RABGAP1L: variants seen among roughly 807,000 people sequenced by gnomAD.
The protein encoded by RABGAP1L is RAB GTPase activating protein 1 like.
Under a neutral mutation model 137.7 loss-of-function variants are expected in RABGAP1L, and 63 were observed. The ratio of observed to expected loss-of-function variants is 0.46; its 90% confidence interval spans 0.37 to 0.56. RABGAP1L has a LOEUF of 0.56. Ranked by LOEUF, RABGAP1L falls within the 20% of genes least tolerant of loss-of-function variation. RABGAP1L has a pLI of 0.00. For missense variants in RABGAP1L, 1,095 were observed against 1,244.0 expected, an observed-to-expected ratio of 0.88 and a Z score of 1.80; for synonymous variants, 431 against 433.7, an observed-to-expected ratio of 0.99 and a Z score of 0.08.
intron 11 of RABGAP1L, among the ~76,000 whole-genome samples, chr1:174,355,072 A>T (rs1217786841): frequency 6.6e-6 from 1 of 152,058 alleles, no homozygotes; most frequent in Non-Finnish European, 1.5e-5. Context: ...TCAGGGATCT[A>T]GAACTAGAAA....
chr1:174,238,941 C>T (rs994633653), intron 4 of RABGAP1L: 1 of 161,524 alleles, frequency 6.2e-6, no homozygotes, highest in Non-Finnish European at 1.3e-5. Context: ...GTAGGACCCT[C>T]CAAGCCAGGT....
At chr1:174,240,005 G>T (rs189087932) in intron 4 of RABGAP1L, among the ~76,000 whole-genome samples, 1 of 152,112 alleles carries the variant, frequency 6.6e-6, no homozygotes, top group African/African-American at 2.4e-5. Flanking sequence ...ATATGTTATC[G>T]TCTAAAAATG....
chr1:174,275,596 C>T (rs114965775), intron 8 of RABGAP1L, among the ~76,000 whole-genome samples: 326 of 152,138 alleles, frequency 2.1e-3, no homozygotes, highest in Non-Finnish European at 3.2e-3. Context: ...GTATATGCCT[C>T]CTTTTATCCA....
rs542468567 is a variant in RABGAP1L at position 174,332,016 on chromosome 1, A to T, written c.1465+26889A>T. On this transcript the variant is annotated intron_variant, in intron 11 of 25. Transcript: ENST00000681986. ...GGAGTGCAGTGGTGCCAAAAACTCAAATTTCATGGATTGACTTTGTTCTTA... is the reference window on the plus strand; with the variant it reads ...GGAGTGCAGTGGTGCCAAAAACTCATATTTCATGGATTGACTTTGTTCTTA... Among the ~76,000 whole-genome samples, 6 of 152,074 alleles carry T rather than the reference A, an allele frequency of 3.9e-5. 1 individual carries two copies. In the South Asian group the frequency reaches 1.2e-3, roughly 32 times the overall value.
chr1:174,953,711 C>T (rs1326656215), intron 19 of RABGAP1L, among the ~76,000 whole-genome samples: 4 of 152,162 alleles, frequency 2.6e-5, no homozygotes, highest in Non-Finnish European at 4.4e-5. Flanking sequence ...TCTGTGAAAT[C>T]ACTGTGGAAT....
At chr1:174,409,148 G>T (rs1649613981) in intron 13 of RABGAP1L, among the ~76,000 whole-genome samples, 1 of 152,096 alleles carries the variant, frequency 6.6e-6, no homozygotes, top group Non-Finnish European at 1.5e-5. Context: ...GGAAGTCAGG[G>T]ACCCCGAACG....
chr1:174,437,075 C>G (rs1464858020), intron 13 of RABGAP1L, among the ~76,000 whole-genome samples: 1 of 152,152 alleles, frequency 6.6e-6, no homozygotes, highest in Non-Finnish European at 1.5e-5. Flanking sequence ...CTGTACGTCA[C>G]CATCATCAAA....
chr1:174,649,970 G>T lies in RABGAP1L; in HGVS notation c.1824+12482G>T, dbSNP rs1390398260. Among the ~76,000 whole-genome samples, 36 of 152,128 alleles carry T rather than the reference G, an allele frequency of 2.4e-4. 1 individual carries two copies. The East Asian group carries it at 5.0e-3, about 21-fold the overall frequency. ...ATTCAGTATGATATTGGCTGTGGGTGTGTCATAGATAGCTCTTATCATTTT... is the reference window on the plus strand; with the variant it reads ...ATTCAGTATGATATTGGCTGTGGGTTTGTCATAGATAGCTCTTATCATTTT... On this transcript the variant is annotated intron_variant, in intron 14 of 25. Coordinates refer to ENST00000681986, the MANE Select transcript of RABGAP1L (RefSeq NM_001366446.1).
intron 5 of RABGAP1L, among the ~76,000 whole-genome samples, chr1:174,249,631 C>CTTCT (rs372511581): frequency 3.4e-3 from 492 of 143,662 alleles, no homozygotes; most frequent in Non-Finnish European, 6.0e-3. Context: ...AAAGGAATTC[C>CTTCT]TTCTTTCTTT....
At chr1:174,226,015 T>C (rs769739943) in intron 3 of RABGAP1L, among the ~76,000 whole-genome samples, 4 of 152,100 alleles carry the variant, frequency 2.6e-5, no homozygotes, top group Non-Finnish European at 4.4e-5. Flanking sequence ...GGGCTAGTGG[T>C]AGAACTGGGA....
chr1:174,711,124 C>T (rs1051267324), intron 17 of RABGAP1L, among the ~76,000 whole-genome samples: 4 of 151,782 alleles, frequency 2.6e-5, no homozygotes, highest in Admixed American at 1.3e-4. Flanking sequence ...GCCAGCTGGC[C>T]GCTGTGAGTG....
At chr1:174,628,105 G>A (rs539815576) in intron 13 of RABGAP1L, among the ~76,000 whole-genome samples, 2 of 152,104 alleles carry the variant, frequency 1.3e-5, no homozygotes, top group East Asian at 3.9e-4. Flanking sequence ...TATTGTGTGG[G>A]TTACATGCAA....
At chr1:174,807,378 CT>C (rs1689414165) in intron 18 of RABGAP1L, among the ~76,000 whole-genome samples, 1 of 152,080 alleles carries the variant, frequency 6.6e-6, no homozygotes, top group Non-Finnish European at 1.5e-5. Flanking sequence ...AGCCAAACAA[CT>C]TTTGATAAAT....
At position 174,982,863 on chromosome 1, in the gene RABGAP1L, G is replaced by A. The variant is rs575475266; in HGVS notation, c.2763G>A (p.Glu921=). ...GTTCGCAGTTGAGTACCAGGCTGGA[G>A]AAACAGCAAGCAGCCAGCAAGGAGG... ...QICSQLSTRL[E]KQQAASKEEL... Residue 921 remains glutamate, a synonymous_variant, in exon 24 of 26, where the codon GAG becomes GAA. Transcript: ENST00000681986. 8.4e-6 allele frequency: 13 copies of A among 1,550,512 alleles called. No homozygotes were observed. The highest frequency in any genetic ancestry group is 1.4e-5 in the African/African-American group (1 of 73,164).
rs1684807536 is a variant in RABGAP1L, at chr1:174,756,841, C to G, written c.2211+4487C>G. On this transcript the variant is annotated intron_variant, in intron 18 of 25. Transcript: ENST00000681986. ...TGAGGGCTGGGGATTGAGGGCTTCC[C>G]AGAAAGCATCACAAGAAGGTGTCAC... 3 of 585,182 alleles carry G rather than the reference C, an allele frequency of 5.1e-6. No homozygotes were observed. The Admixed American group carries it at 5.8e-5, about 11-fold the overall frequency. The allele number at this position is 585,182 out of a possible 1,614,324, so 36.2% of individuals were successfully genotyped here.
chr1:174,311,247 GGA>G (rs964534437), intron 11 of RABGAP1L, among the ~76,000 whole-genome samples: 9 of 152,160 alleles, frequency 5.9e-5, no homozygotes. Flanking sequence ...CAAGGCGGCA[GGA>G]GAGAGAGTGA....
intron 13 of RABGAP1L, among the ~76,000 whole-genome samples, chr1:174,401,935 G>A (rs947730595): frequency 6.6e-6 from 1 of 152,122 alleles, no homozygotes; most frequent in Admixed American, 6.6e-5. Context: ...GAAAGGTCCT[G>A]CCATGGTCAG....
At chr1:174,456,782 C>T (rs1034372083) in intron 13 of RABGAP1L, among the ~76,000 whole-genome samples, 1 of 152,004 alleles carries the variant, frequency 6.6e-6, no homozygotes, top group African/African-American at 2.4e-5. Context: ...AAAATGAGTT[C>T]CACTGAGTTA....
chr1:174,346,697 G>A (rs1395912029), intron 11 of RABGAP1L, among the ~76,000 whole-genome samples: 2 of 150,128 alleles, frequency 1.3e-5, no homozygotes, highest in Non-Finnish European at 3.0e-5. Context: ...TTGTCATTTT[G>A]TTGATCTTTT....
Sources: gnomAD v4.1 joint callset for allele counts (sites outside exome capture counted in the v4.1 genomes callset) on GRCh38, gnomAD v4.1.1 for gene constraint, MANE v1.5 for transcripts, NCBI Gene and HGNC (gene_info 2026-07-23, HGNC 2026-07-21) for gene names.